PCDHGA8: variants seen among roughly 807,000 people sequenced by gnomAD.
PCDHGA8 encodes the protein protocadherin gamma-A8.
A neutral mutation model predicts 59.2 loss-of-function variants in PCDHGA8; 45 were observed. The observed-to-expected ratio is 0.76, with a 90% CI of 0.60 to 0.98. PCDHGA8 has a LOEUF of 0.98. Among genes scored for constraint, PCDHGA8 ranks in the 50% least tolerant of loss-of-function variants. PCDHGA8 has a pLI of 0.00. For missense variants in PCDHGA8, 1,257 were observed against 1,196.2 expected (o/e 1.05, Z -0.75); for synonymous variants, 531 against 519.0 (o/e 1.02, Z -0.32).
intron 1 of PCDHGA8, among the ~76,000 whole-genome samples, chr5:141,492,641 G>A (rs2099742804): frequency 6.6e-6 from 1 of 152,226 alleles, no homozygotes; most frequent in African/African-American, 2.4e-5. Flanking sequence ...ACGATCCTTG[G>A]GCCAGAGGTC....
rs2097424370 is a variant in PCDHGA8, at chr5:141,431,859, C to G, written c.2424+36622C>G. On this transcript the variant is annotated intron_variant, in intron 1 of 3. Coordinates refer to ENST00000398604, the MANE Select transcript of PCDHGA8 (RefSeq NM_032088.2). The surrounding 1 kb of genome is among the most constrained non-coding windows in gnomAD (Gnocchi z 4.8). ...AACTCTCCCAGAGGGACATTAATTG[C>G]CCTTTTAAATGTAAATGACCAAGAT... is the stretch of plus-strand genomic sequence containing the variant. The G allele has an allele frequency of 1.2e-6, 2 of 1,614,060 alleles. No individual in the cohort carries two copies. Among genetic ancestry groups the G allele is most frequent in the Middle Eastern group, 3.3e-4 (2 of 6,084 alleles).
chr5:141,402,357 G>C (rs1486286220), intron 1 of PCDHGA8, among the ~76,000 whole-genome samples: 1 of 151,812 alleles, frequency 6.6e-6, no homozygotes, highest in Non-Finnish European at 1.5e-5. Flanking sequence ...AAAAATGAAT[G>C]TACTTCCAAA....
intron 1 of PCDHGA8, chr5:141,415,113 C>G: frequency 1.2e-6 from 2 of 1,613,642 alleles, no homozygotes; most frequent in Non-Finnish European, 1.7e-6. Context: ...AGCAAAGCCT[C>G]GTAGTGGCCG....
intron 1 of PCDHGA8, chr5:141,419,027 G>A (rs1415215066): frequency 6.2e-7 from 1 of 1,613,870 alleles, no homozygotes; most frequent in Admixed American, 1.7e-5. Flanking sequence ...AAGTAGAGGT[G>A]TTCCATTTAA....
chr5:141,404,174 C>A, intron 1 of PCDHGA8: 1 of 1,613,138 alleles, frequency 6.2e-7, no homozygotes, highest in Non-Finnish European at 8.5e-7. Flanking sequence ...GTTGACGGCC[C>A]AAATTCTTGA....
chr5:141,427,099 A>G (rs989437547), intron 1 of PCDHGA8: 3 of 457,936 alleles, frequency 6.6e-6, no homozygotes, highest in African/African-American at 6.0e-5. Context: ...GAGGGTGTCA[A>G]TGCGGAGATC....
chr5:141,433,208 C>CA, intron 1 of PCDHGA8: 1 of 1,293,080 alleles, frequency 7.7e-7, no homozygotes, highest in Non-Finnish European at 1.1e-6. Context: ...AATCTTCTTT[C>CA]TTTTTTTTTT....
chr5:141,405,407 C>G, intron 1 of PCDHGA8: 2 of 1,582,052 alleles, frequency 1.3e-6, no homozygotes, highest in Non-Finnish European at 1.7e-6. Flanking sequence ...TCTTTCTTTT[C>G]TTTTTTTGTT....
intron 1 of PCDHGA8, among the ~76,000 whole-genome samples, chr5:141,463,725 C>A (rs1259646105): frequency 6.6e-6 from 1 of 152,026 alleles, no homozygotes. Flanking sequence ...GGATTACAGG[C>A]ATGAGCCACC....
intron 2 of PCDHGA8, among the ~76,000 whole-genome samples, chr5:141,496,565 T>C (rs2099769541): frequency 6.6e-6 from 1 of 152,136 alleles, no homozygotes; most frequent in African/African-American, 2.4e-5. Context: ...CACAGTCCTG[T>C]CACCCATTTT....
At chr5:141,472,323 C>T (rs980684595) in intron 1 of PCDHGA8, among the ~76,000 whole-genome samples, 4 of 151,498 alleles carry the variant, frequency 2.6e-5, no homozygotes, top group East Asian at 2.0e-4. Flanking sequence ...AGGCAGATCA[C>T]GAGGTTGGGA....
chr5:141,452,002 T>C (rs965343762), intron 1 of PCDHGA8, among the ~76,000 whole-genome samples: 1 of 152,220 alleles, frequency 6.6e-6, no homozygotes, highest in African/African-American at 2.4e-5. Context: ...GCAAAATCAC[T>C]TGGTCCAGCC....
intron 1 of PCDHGA8, chr5:141,420,323 A>G (rs753373746): frequency 2.1e-6 from 3 of 1,410,102 alleles, no homozygotes; most frequent in East Asian, 2.4e-5. Flanking sequence ...CAATATGCCA[A>G]TATATTCCAA....
chr5:141,419,647 G>C (rs370948584), intron 1 of PCDHGA8: 6 of 1,612,592 alleles, frequency 3.7e-6, no homozygotes, highest in Non-Finnish European at 5.1e-6. Context: ...CCGTGGACGC[G>C]GACTCGGGGC....
intron 1 of PCDHGA8, among the ~76,000 whole-genome samples, chr5:141,420,710 G>A (rs2096519301): frequency 6.6e-6 from 1 of 152,186 alleles, no homozygotes; most frequent in South Asian, 2.1e-4. Flanking sequence ...TTCCAGAAAT[G>A]TCGTTCCTTT....
intron 1 of PCDHGA8, chr5:141,418,597 G>A (rs2096274061): frequency 3.7e-6 from 6 of 1,614,052 alleles, no homozygotes; most frequent in Non-Finnish European, 5.1e-6. Flanking sequence ...GCCAGGACGT[G>A]TACAGGGTTA....
chr5:141,496,140 T>C (rs1172903212), intron 2 of PCDHGA8, among the ~76,000 whole-genome samples: 1 of 152,006 alleles, frequency 6.6e-6, no homozygotes, highest in Admixed American at 6.6e-5. Flanking sequence ...CACTGAGCCT[T>C]TGATCGCAGC....
rs903741318 is a variant in PCDHGA8, at chr5:141,454,939, C to G, written c.2425-39868C>G. On this transcript the variant is annotated intron_variant, in intron 1 of 3. Coordinates refer to ENST00000398604, the MANE Select transcript of PCDHGA8 (RefSeq NM_032088.2). ...TCTCCTGCCTCAGCCTCCCGAGTAG[C>G]TGGGACTACAGGCGCCGGCCACCAC... 6.0e-5 allele frequency among the ~76,000 whole-genome samples: 9 copies of G among 150,982 alleles called. No homozygotes were observed. The East Asian group carries it at 1.8e-3, about 30-fold the overall frequency.
intron 1 of PCDHGA8, chr5:141,399,856 G>T: frequency 6.2e-7 from 1 of 1,612,894 alleles, no homozygotes; most frequent in South Asian, 1.1e-5. Context: ...GGTGCCGCGC[G>T]CTGCAGAGCC....
Sources: allele counts gnomAD v4.1 joint callset (sites outside exome capture counted in the v4.1 genomes callset), GRCh38; gene constraint gnomAD v4.1.1; non-coding constraint Gnocchi (gnomAD v3.1); transcripts MANE v1.5; gene names NCBI Gene and HGNC (gene_info 2026-07-23, HGNC 2026-07-21).